DGKD: variants seen among roughly 807,000 people sequenced by gnomAD.
DGKD encodes the protein DAG kinase delta.
A neutral mutation model predicts 154.4 loss-of-function variants in DGKD; 68 were observed. The ratio of observed to expected loss-of-function variants is 0.44; its 90% CI spans 0.36 to 0.54. DGKD has a LOEUF of 0.54. Among genes scored for constraint, DGKD ranks in the 20% least tolerant of loss-of-function variants. The pLI is 0.00. For missense variants in DGKD, 1,343 were observed against 1,593.6 expected, an observed-to-expected ratio of 0.84 and a Z score of 2.68; for synonymous variants, 693 against 638.0, an observed-to-expected ratio of 1.09 and a Z score of -1.30.
At chr2:233,393,589 C>T (rs1703788766) in intron 3 of DGKD, among the ~76,000 whole-genome samples, 9 of 151,960 alleles carry the variant, frequency 5.9e-5, no homozygotes. Flanking sequence ...CCTCCTGCCT[C>T]AGCCTTCCAA....
chr2:233,463,774 G>T, intron 26 of DGKD: 1 of 243,924 alleles, frequency 4.1e-6, no homozygotes, highest in Non-Finnish European at 8.2e-6. Context: ...ACGTCCCGTG[G>T]TCACACGCGT....
At chr2:233,388,223 A>G in intron 1 of DGKD, 34 bp from the exon 2 acceptor site, 1 of 1,597,278 alleles carries the variant, frequency 6.3e-7, no homozygotes, top group Non-Finnish European at 8.5e-7. Flanking sequence ...CACCTTGAAA[A>G]CGCAAGTTTA....
Position 233,394,690 on chromosome 2 carries a change from C to CTTTTTTTTTTTT in DGKD, c.348+4207_348+4208insTTTTTTTTTTTT, listed in dbSNP as rs1703879704. Among the ~76,000 whole-genome samples, 5 of 83,260 alleles carry CTTTTTTTTTTTT rather than the reference C, an allele frequency of 6.0e-5. 1 individual carries two copies. Among genetic ancestry groups the CTTTTTTTTTTTT allele is most frequent in the Admixed American group, 1.6e-4 (1 of 6,320 alleles). 54.6% of individuals were successfully genotyped at this position (83,260 alleles called of 152,430 possible). A position where few individuals can be genotyped will look rare whatever the true frequency, so the allele number is the denominator to read the frequency against. Reference sequence around the variant, plus strand: ...TTCCTTATTATTTTGAATTTAATTCCCTTTTTTTTTTTTTTTTTTTTTTTT... The same window carrying CTTTTTTTTTTTT: ...TTCCTTATTATTTTGAATTTAATTCCTTTTTTTTTTTTCTTTTTTTTTTTTTTTTTTTTTTTT... On this transcript the variant is annotated intron_variant, in intron 3 of 29. Coordinates refer to ENST00000264057, the MANE Select transcript of DGKD (RefSeq NM_152879.3).
rs2063532645 is a variant in DGKD at position 233,458,644 on chromosome 2, C to T, written c.2694+247C>T. Among the ~76,000 whole-genome samples the T allele has an allele frequency of 6.7e-6, 1 of 148,544 alleles. No individual in the cohort carries two copies. Among genetic ancestry groups the T allele is most frequent in the East Asian group, 2.0e-4 (1 of 5,114 alleles). On this transcript the variant is annotated intron_variant, in intron 22 of 29. Transcript: ENST00000264057. This position sits in a 1 kb window ranked among gnomAD's most constrained non-coding sequence, Gnocchi z 6.6. ...TTTTTTTTTTTGAGACAGAGTCTTG[C>T]TCTGTTGCCCAGGCTGGAGTGCAGT... is the stretch of plus-strand genomic sequence containing the variant.
chr2:233,442,142 G>A, intron 10 of DGKD, 147 bp downstream of exon 10: 3 of 814,130 alleles, frequency 3.7e-6, no homozygotes, highest in Non-Finnish European at 6.2e-6. Flanking sequence ...CAGTTTGGTG[G>A]CCAGGGCAGA....
At chr2:233,380,406 G>A (rs895289309) in intron 1 of DGKD, among the ~76,000 whole-genome samples, 8 of 152,188 alleles carry the variant, frequency 5.3e-5, no homozygotes, top group Admixed American at 5.2e-4. Flanking sequence ...ATGTCATCAG[G>A]ACCCACACTG....
intron 17 of DGKD, 48 bp downstream of exon 17, chr2:233,451,098 C>T: frequency 6.4e-7 from 1 of 1,568,616 alleles, no homozygotes; most frequent in Non-Finnish European, 8.7e-7. Context: ...TAGCACAACA[C>T]TGGTCCCGTC....
chr2:233,464,013 C>T (rs1280596414), intron 26 of DGKD, 151 bp from the exon 27 acceptor site: 3 of 1,115,922 alleles, frequency 2.7e-6, no homozygotes, highest in African/African-American at 1.6e-5. Context: ...GGTTTGGTTC[C>T]TTTTCTGGTG....
chr2:233,369,151 G>T (rs906492643), intron 1 of DGKD, among the ~76,000 whole-genome samples: 4 of 152,048 alleles, frequency 2.6e-5, no homozygotes, highest in Admixed American at 1.3e-4. Flanking sequence ...TTTATTTTTT[G>T]GGGGGAGGTT....
intron 1 of DGKD, among the ~76,000 whole-genome samples, chr2:233,378,781 A>G (rs1332237138): frequency 2.0e-5 from 3 of 152,072 alleles, no homozygotes; most frequent in Non-Finnish European, 4.4e-5. Flanking sequence ...ATTTTGTAAA[A>G]CTTCCTGGCG....
intron 3 of DGKD, among the ~76,000 whole-genome samples, chr2:233,411,040 A>G (rs2061815886): frequency 6.6e-6 from 1 of 151,762 alleles, no homozygotes; most frequent in South Asian, 2.1e-4. Flanking sequence ...GAGATTTTTC[A>G]TGTTACGAAT....
Position 233,438,751 on chromosome 2 carries a change from C to CTAT in DGKD, c.1085+373_1085+375dup, listed in dbSNP as rs2062786853. ...TATAATTTTTTATTTATCTGTCTAT[C>CTAT]TATCATCTATCTATCTATCTATCTA... is the stretch of plus-strand genomic sequence containing the variant. On this transcript the variant is annotated intron_variant, in intron 9 of 29. Coordinates refer to ENST00000264057, the MANE Select transcript of DGKD (RefSeq NM_152879.3). This position sits in a 1 kb window ranked among gnomAD's most constrained non-coding sequence, Gnocchi z 4.1. 1.0e-5 allele frequency among the ~76,000 whole-genome samples: 1 copy of CTAT among 96,658 alleles called. No individual in the cohort carries two copies. The highest frequency in any genetic ancestry group is 5.6e-5 in the African/African-American group (1 of 17,974). The allele number at this position is 96,658 out of a possible 152,430, so 63.4% of individuals were successfully genotyped here. A position where few individuals can be genotyped will look rare whatever the true frequency, so the allele number is the denominator to read the frequency against.
At chr2:233,372,102 G>A (rs142198738) in intron 1 of DGKD, among the ~76,000 whole-genome samples, 382 of 152,156 alleles carry the variant, frequency 2.5e-3, no homozygotes, top group Non-Finnish European at 4.6e-3. Flanking sequence ...GTTCACTGCA[G>A]CCTCTACCTC....
At chr2:233,368,308 G>A (rs1702137659) in intron 1 of DGKD, among the ~76,000 whole-genome samples, 1 of 151,986 alleles carries the variant, frequency 6.6e-6, no homozygotes, top group Non-Finnish European at 1.5e-5. Context: ...TCAGGAGTTC[G>A]AGACCAGCCT....
At chr2:233,432,803 A>G (rs2062574155) in intron 3 of DGKD, among the ~76,000 whole-genome samples, 1 of 152,270 alleles carries the variant, frequency 6.6e-6, no homozygotes, top group African/African-American at 2.4e-5. Context: ...GACATTTCTC[A>G]AAAGAAGACA....
At chr2:233,373,526 C>CA (rs1702427330) in intron 1 of DGKD, among the ~76,000 whole-genome samples, 1 of 152,186 alleles carries the variant, frequency 6.6e-6, no homozygotes, top group Non-Finnish European at 1.5e-5. Flanking sequence ...AGCAGCTGCC[C>CA]TCAGCCTTAT....
intron 3 of DGKD, among the ~76,000 whole-genome samples, chr2:233,411,692 T>G (rs2061835263): frequency 6.6e-6 from 1 of 152,188 alleles, no homozygotes; most frequent in South Asian, 2.1e-4. Flanking sequence ...ACTTATCAGT[T>G]TTTTAAATGG....
intron 3 of DGKD, among the ~76,000 whole-genome samples, chr2:233,414,703 A>G (rs2061915483): frequency 6.6e-6 from 1 of 152,186 alleles, no homozygotes; most frequent in Non-Finnish European, 1.5e-5. Context: ...TGAAAGCTTC[A>G]GGTTGTTTCA....
At chr2:233,388,812 C>A (rs1158897992) in intron 2 of DGKD, 2 of 127,744 alleles carry the variant, frequency 1.6e-5, no homozygotes, top group East Asian at 5.1e-4. Flanking sequence ...GTGGCGAGAT[C>A]TCGGCTCATT....
Sources: allele counts gnomAD v4.1 joint callset (sites outside exome capture counted in the v4.1 genomes callset), GRCh38; gene constraint gnomAD v4.1.1; non-coding constraint Gnocchi (gnomAD v3.1); transcripts MANE v1.5; gene names NCBI Gene and HGNC (gene_info 2026-07-23, HGNC 2026-07-21).